RNF213: variants seen among roughly 807,000 people sequenced by gnomAD.
The protein encoded by RNF213 is ring finger protein 213.
Under a neutral mutation model 514.4 loss-of-function variants are expected in RNF213, and 341 were observed. The observed-to-expected ratio is 0.66, with a 90% CI of 0.61 to 0.73. The LOEUF (loss-of-function observed/expected upper bound fraction) is 0.73, where lower values mean the gene tolerates loss of function less well. RNF213 is among the 30% of genes least tolerant of loss of function. The probability of loss-of-function intolerance (pLI) is 0.00; values close to 1 mark genes in which losing one functional copy is unlikely to be tolerated. For missense variants in RNF213, 5,767 were observed against 6,615.6 expected (o/e 0.87, Z 4.45); for synonymous variants, 2,655 against 2,658.2 (o/e 1.00, Z 0.04).
At chr17:80,374,800 G>C (rs1457473992) in intron 50 of RNF213, 3 of 573,308 alleles carry the variant, frequency 5.2e-6, no homozygotes, top group African/African-American at 3.7e-5. Context: ...TATGACAGTT[G>C]AGCTGGGTTG....
At chr17:80,287,411 G>C (rs963519280) in intron 3 of RNF213, among the ~76,000 whole-genome samples, 3 of 152,228 alleles carry the variant, frequency 2.0e-5, no homozygotes, top group Non-Finnish European at 4.4e-5. Context: ...GTTGATGGGG[G>C]AGGATCACTT....
chr17:80,295,338 TTC>T (rs1485978889), intron 9 of RNF213, among the ~76,000 whole-genome samples: 1 of 152,156 alleles, frequency 6.6e-6, no homozygotes, highest in Non-Finnish European at 1.5e-5. Context: ...CTGGAGCTGT[TTC>T]TGAGCTGAAG....
intron 36 of RNF213, among the ~76,000 whole-genome samples, chr17:80,357,195 G>A (rs1238446001): frequency 1.4e-4 from 22 of 152,166 alleles, no homozygotes; most frequent in African/African-American, 2.4e-5. Context: ...GGGATTAGAC[G>A]TGAGCCACCG....
At position 80,342,484 on chromosome 17, in the gene RNF213, G is replaced by A. The variant is rs539443987; in HGVS notation, c.5990-648G>A. ...TTTATACAAAGAGAAGTAACTTCTA[G>A]TGGATCTTTATAGATTCTCTTACTC... On this transcript the variant is annotated intron_variant, in intron 26 of 67. Transcript: ENST00000582970. 5.9e-5 allele frequency among the ~76,000 whole-genome samples: 9 copies of A among 151,852 alleles called. No homozygotes were observed. In the South Asian group the frequency reaches 1.9e-3, roughly 32 times the overall value.
intron 22 of RNF213, 103 bp from the exon 23 acceptor site, chr17:80,336,058 C>A: frequency 3.4e-6 from 3 of 893,918 alleles, no homozygotes; most frequent in Non-Finnish European, 5.0e-6. Flanking sequence ...CTTAAAAATT[C>A]ATGAAATATC....
At chr17:80,276,008 T>G (rs2044040123) in intron 3 of RNF213, among the ~76,000 whole-genome samples, 2 of 151,460 alleles carry the variant, frequency 1.3e-5, no homozygotes, top group Admixed American at 1.3e-4. Context: ...CTGTAGGTGT[T>G]TAAGGAAATC....
chr17:80,388,468 C>T (rs1452340062), intron 63 of RNF213, 144 bp from the exon 64 acceptor site: 14 of 716,290 alleles, frequency 2.0e-5, no homozygotes, highest in African/African-American at 6.9e-5. Context: ...GGGTTAATGA[C>T]GGAGAGGGGC....
At chr17:80,371,752 G>T in intron 46 of RNF213, 122 bp from the exon 47 acceptor site, 1 of 640,894 alleles carries the variant, frequency 1.6e-6, no homozygotes, top group Admixed American at 2.7e-5. Context: ...CCACGTATAT[G>T]TATGTATATG....
chr17:80,347,557 C>T lies in RNF213; in HGVS notation c.9222C>T (p.Phe3074=). 6.2e-7 allele frequency: 1 copy of T among 1,614,138 alleles called. No individual in the cohort carries two copies. Among genetic ancestry groups the T allele is most frequent in the Non-Finnish European group, 8.5e-7 (1 of 1,180,044 alleles). The change falls in exon 29 of 68, where the codon TTC becomes TTT. Residue 3074 remains phenylalanine (F), a synonymous_variant. Coordinates refer to ENST00000582970, the MANE Select transcript of RNF213 (RefSeq NM_001256071.3). The surrounding 1 kb of genome is among the most constrained non-coding windows in gnomAD (Gnocchi z 7.2). ...CGGAGATTATTTTTGGTTCTGGTTT[C>T]CCCAAGGACCAAGAGTACACCCAGC... The part of the protein sequence containing the change: ...QQPEIIFGSG[F]PKDQEYTQLC...
At position 80,348,805 on chromosome 17, in the gene RNF213, C is replaced by T. The variant is rs954546936; in HGVS notation, c.9951+519C>T. Among the ~76,000 whole-genome samples the T allele has an allele frequency of 1.2e-4, 18 of 152,298 alleles. No individual in the cohort carries two copies. In the South Asian group the frequency reaches 2.5e-3, roughly 21 times the overall value. ...GCTGAGGGCCTTCTGTGGGCAGAGC[C>T]GCTGACAGCTCTTAGGGTTCAAGGC... On this transcript the variant is annotated intron_variant, in intron 29 of 67. Transcript: ENST00000582970.
chr17:80,332,715 A>C, intron 21 of RNF213, 84 bp downstream of exon 21: 1 of 1,415,378 alleles, frequency 7.1e-7, no homozygotes, highest in Non-Finnish European at 9.2e-7. Context: ...TGTGGCTTTG[A>C]AAAGGGGGGC....
rs1404521195 is a variant in RNF213 at position 80,390,465 on chromosome 17, T to C, written c.15470+269T>C. Reference sequence around the variant, plus strand: ...GAGTAATCTCAACTCACTGCAACCTTGGCTCACTGCAACCTCTGCCTCCCA... The same window carrying C: ...GAGTAATCTCAACTCACTGCAACCTCGGCTCACTGCAACCTCTGCCTCCCA... On this transcript the variant is annotated intron_variant, in intron 67 of 67. Coordinates refer to ENST00000582970, the MANE Select transcript of RNF213 (RefSeq NM_001256071.3). Among the ~76,000 whole-genome samples the C allele has an allele frequency of 2.0e-5, 3 of 147,474 alleles. No homozygotes were observed. In the South Asian group the frequency reaches 6.3e-4, roughly 31 times the overall value.
intron 22 of RNF213, among the ~76,000 whole-genome samples, chr17:80,335,209 C>T (rs548273024): frequency 8.1e-4 from 123 of 152,328 alleles, no homozygotes; most frequent in African/African-American, 2.8e-3. Flanking sequence ...CAAGTACAGG[C>T]GTGAGCCACC....
At chr17:80,319,681 T>G in intron 17 of RNF213, 1 of 1,443,936 alleles carries the variant, frequency 6.9e-7, no homozygotes, top group Non-Finnish European at 9.1e-7. Context: ...GGGAAGAGAC[T>G]CCAAAGGTTG....
In RNF213 at chr17:80,317,867, G is replaced by A. The variant is rs2045999349; in HGVS notation, c.2901+590G>A. 6.6e-6 allele frequency among the ~76,000 whole-genome samples: 1 copy of A among 152,094 alleles called. No individual in the cohort carries two copies. The highest frequency in any genetic ancestry group is 2.4e-5 in the African/African-American group (1 of 41,408). ...TCTTTTAGGTACCCACACTCGGTGGGTCCCAAGCTCTTGTCCAGCATCCAA... is the reference window on the plus strand; with the variant it reads ...TCTTTTAGGTACCCACACTCGGTGGATCCCAAGCTCTTGTCCAGCATCCAA... On this transcript the variant is annotated intron_variant, in intron 16 of 67. Transcript: ENST00000582970. This position sits in a 1 kb window ranked among gnomAD's most constrained non-coding sequence, Gnocchi z 4.1.
intron 59 of RNF213, 71 bp from the exon 60 acceptor site, chr17:80,384,968 C>G: frequency 6.5e-7 from 1 of 1,533,844 alleles, no homozygotes; most frequent in South Asian, 1.1e-5. Context: ...CAGCCAGTCT[C>G]AAAGTCTGTA....
chr17:80,389,886 A>G lies in RNF213; in HGVS notation c.15254A>G (p.His5085Arg), dbSNP rs765044536. Reference sequence around the variant, plus strand: ...GCCCTCTGGCAGTTCCTGTCTGCTCATAAGTCTGAACAGCTGCTGCGGCTG... The same window carrying G: ...GCCCTCTGGCAGTTCCTGTCTGCTCGTAAGTCTGAACAGCTGCTGCGGCTG... Reference protein sequence around the residue: ...TIALWQFLSAHKSEQLLRLHK... With the variant: ...TIALWQFLSARKSEQLLRLHK... Residue 5085 changes from histidine (H) to arginine (R), a missense_variant, in exon 66 of 68, where the codon CAT (histidine) becomes CGT (arginine). This residue lies in a region of RNF213 where 1,245 missense variants were observed against 1,339.0 expected (regional missense o/e 0.93). Coordinates refer to ENST00000582970, the MANE Select transcript of RNF213 (RefSeq NM_001256071.3). 217 of 1,614,234 alleles carry G rather than the reference A, an allele frequency of 1.3e-4. No homozygotes were observed. The highest frequency in any genetic ancestry group is 1.7e-4 in the Non-Finnish European group (196 of 1,180,038).
intron 2 of RNF213, among the ~76,000 whole-genome samples, chr17:80,272,874 A>T (rs934985247): frequency 2.6e-5 from 4 of 152,264 alleles, no homozygotes; most frequent in East Asian, 1.9e-4. Flanking sequence ...GGAAGACAGG[A>T]GGAATGTCTA....
At position 80,393,426 on chromosome 17, in the gene RNF213, G is replaced by C. The variant is rs200306837; in HGVS notation, c.15552G>C (p.Glu5184Asp). ...LPEMASQFPE[E>D]ILLASCVSVW... Reference sequence around the variant, plus strand: ...AAATGGCATCTCAGTTCCCAGAAGAGATACTGCTCGCCAGCTGTGTCTCAG... The same window carrying C: ...AAATGGCATCTCAGTTCCCAGAAGACATACTGCTCGCCAGCTGTGTCTCAG... The change falls in exon 68 of 68, where the codon GAG becomes GAC. Residue 5184 changes from glutamate to aspartate, a missense_variant. Transcript: ENST00000582970. 194 of 1,614,100 alleles carry C rather than the reference G, an allele frequency of 1.2e-4. No homozygotes were observed. The highest frequency in any genetic ancestry group is 1.6e-4 in the Non-Finnish European group (190 of 1,180,030).
Sources: allele counts gnomAD v4.1 joint callset (sites outside exome capture counted in the v4.1 genomes callset), GRCh38; gene constraint gnomAD v4.1.1; regional missense constraint gnomAD v4.1.1; non-coding constraint Gnocchi (gnomAD v3.1); transcripts MANE v1.5; gene names NCBI Gene and HGNC (gene_info 2026-07-23, HGNC 2026-07-21).